The following MYO5B variants were observed in gnomAD, a reference collection of about 807,000 sequenced individuals.
The protein encoded by MYO5B is myosin VB, also known as unconventional myosin-Vb.
Under a neutral mutation model 229.3 loss-of-function variants are expected in MYO5B, and 143 were observed. The ratio of observed to expected loss-of-function variants is 0.62; its 90% CI spans 0.54 to 0.72. The LOEUF (loss-of-function observed/expected upper bound fraction) is 0.72. Ranked by LOEUF, MYO5B falls within the 30% of genes least tolerant of loss-of-function variation. The pLI is 0.00. For synonymous variants in MYO5B, 918 were observed against 885.2 expected (o/e 1.04, Z -0.66); for missense variants, 2,321 against 2,331.0 (o/e 1.00, Z 0.09).
rs559209810 is a variant in MYO5B, at chr18:49,944,858, G to A, written c.1753-7461C>T. Among the ~76,000 whole-genome samples, 9 of 152,134 alleles carry A rather than the reference G, an allele frequency of 5.9e-5. No homozygotes were observed. The South Asian group carries it at 1.5e-3, about 25-fold the overall frequency. On this transcript the variant is annotated intron_variant, in intron 14 of 39. Coordinates refer to ENST00000285039, the MANE Select transcript of MYO5B (RefSeq NM_001080467.3). ...TCCACAGACAGACACCGCCTTCCAC[G>A]CCGCTCCTCCTCAGACCTCCCTCCA...
chr18:50,164,309 C>T (rs143050561), intron 1 of MYO5B, among the ~76,000 whole-genome samples: 24 of 152,328 alleles, frequency 1.6e-4, no homozygotes, highest in Non-Finnish European at 3.5e-4. Flanking sequence ...TTATGGGTGG[C>T]CTTCTCTTCA....
intron 29 of MYO5B, among the ~76,000 whole-genome samples, chr18:49,857,325 G>C (rs1344621284): frequency 6.6e-6 from 1 of 152,194 alleles, no homozygotes; most frequent in East Asian, 1.9e-4. Context: ...GCTGGGAGGA[G>C]AGAACCCTAA....
intron 22 of MYO5B, among the ~76,000 whole-genome samples, chr18:49,893,484 CAGG>C (rs896762865): frequency 6.6e-6 from 1 of 152,190 alleles, no homozygotes; most frequent in Non-Finnish European, 1.5e-5. Context: ...ACACATTTAA[CAGG>C]AGTTTCCAAG....
intron 1 of MYO5B, among the ~76,000 whole-genome samples, chr18:50,138,535 C>T (rs186169775): frequency 9.2e-5 from 14 of 151,978 alleles, no homozygotes; most frequent in African/African-American, 3.1e-4. Flanking sequence ...TGTTAAATTG[C>T]TCTGATTCCA....
At chr18:50,022,893 G>A (rs1246416631) in intron 4 of MYO5B, among the ~76,000 whole-genome samples, 1 of 152,118 alleles carries the variant, frequency 6.6e-6, no homozygotes, top group Non-Finnish European at 1.5e-5. Context: ...CCAGACTAAG[G>A]AAGAAGCCCA....
At chr18:50,028,753 C>T (rs1345128930) in intron 4 of MYO5B, among the ~76,000 whole-genome samples, 1 of 152,222 alleles carries the variant, frequency 6.6e-6, no homozygotes, top group Non-Finnish European at 1.5e-5. Context: ...GTATCCTGCA[C>T]AACTAATTTC....
At chr18:49,830,975 G>GA (rs199880638) in intron 39 of MYO5B, among the ~76,000 whole-genome samples, 1,567 of 133,444 alleles carry the variant, frequency 0.012, 13 homozygotes, top group African/African-American at 0.028. Flanking sequence ...TAAGGGCCCA[G>GA]AAAAAAAAAA....
chr18:49,957,164 A>AAAAAAAAAC (rs1568046994), intron 12 of MYO5B, among the ~76,000 whole-genome samples: 1 of 150,796 alleles, frequency 6.6e-6, no homozygotes, highest in African/African-American at 2.4e-5. Flanking sequence ...AAAAAAAAAA[A>AAAAAAAAAC]AGCAGGCATG....
At position 50,040,135 on chromosome 18, in the gene MYO5B, C is replaced by A; in HGVS notation, c.310+8G>T. The A allele has an allele frequency of 6.2e-7, 1 of 1,613,788 alleles. No homozygotes were observed. Among genetic ancestry groups the A allele is most frequent in the Non-Finnish European group, 8.5e-7 (1 of 1,179,714 alleles). ...AACGCATGCAGCCAACAGATGCCCC[C>A]CACTTACCACAGTAAGTGTAGATAT... On this transcript the variant is annotated splice_region_variant and intron_variant, in intron 3 of 39. Transcript: ENST00000285039.
intron 1 of MYO5B, among the ~76,000 whole-genome samples, chr18:50,155,132 A>G (rs1314964326): frequency 6.6e-6 from 1 of 152,238 alleles, no homozygotes; most frequent in African/African-American, 2.4e-5. Context: ...TAAGGTTTCC[A>G]GTACAGGGAG....
chr18:49,841,721 C>T (rs1427866304), intron 34 of MYO5B, among the ~76,000 whole-genome samples: 1 of 152,202 alleles, frequency 6.6e-6, no homozygotes, highest in African/African-American at 2.4e-5. Flanking sequence ...AAAGGACAGG[C>T]TGCCTTCCAT....
At chr18:49,960,426 A>C (rs2025546221) in intron 12 of MYO5B, among the ~76,000 whole-genome samples, 1 of 152,214 alleles carries the variant, frequency 6.6e-6, no homozygotes. Flanking sequence ...TAACCTCCTC[A>C]GGCTCAGAGA....
chr18:49,948,632 A>G (rs1266878055), intron 14 of MYO5B, among the ~76,000 whole-genome samples: 1 of 152,248 alleles, frequency 6.6e-6, no homozygotes, highest in East Asian at 1.9e-4. Context: ...ATTAAAAGTA[A>G]ACATAAGATT....
At chr18:50,194,076 C>A (rs2033264818) in intron 1 of MYO5B, among the ~76,000 whole-genome samples, 1 of 152,200 alleles carries the variant, frequency 6.6e-6, no homozygotes, top group Non-Finnish European at 1.5e-5. Context: ...CTCTTTGTAC[C>A]AAAGAGGCCG....
rs113627838 is a variant in MYO5B, at chr18:50,106,349, T to C, written c.28-50971A>G. 4.4e-3 allele frequency among the ~76,000 whole-genome samples: 677 copies of C among 152,256 alleles called. 3 individuals are homozygous for C. The highest frequency in any genetic ancestry group is 7.6e-3 in the Non-Finnish European group (514 of 68,014). On this transcript the variant is annotated intron_variant, in intron 1 of 39. Coordinates refer to ENST00000285039, the MANE Select transcript of MYO5B (RefSeq NM_001080467.3). ...TATTTCAAAAATGTAAATCAAATAA[T>C]TTCCCTCCCTTGCTCAGAGCTCTTA...
chr18:50,112,868 T>TA (rs1173815953), intron 1 of MYO5B, among the ~76,000 whole-genome samples: 1 of 152,100 alleles, frequency 6.6e-6, no homozygotes, highest in African/African-American at 2.4e-5. Flanking sequence ...CAACGTATTT[T>TA]AAAAAAAATT....
chr18:49,920,726 A>T (rs1406908872), intron 17 of MYO5B, among the ~76,000 whole-genome samples: 1 of 152,144 alleles, frequency 6.6e-6, no homozygotes, highest in Non-Finnish European at 1.5e-5. Flanking sequence ...CAGGGTAATG[A>T]TTTTAAGGCA....
At chr18:50,041,281 T>A (rs910939747) in intron 2 of MYO5B, among the ~76,000 whole-genome samples, 3 of 152,228 alleles carry the variant, frequency 2.0e-5, no homozygotes, top group Non-Finnish European at 4.4e-5. Context: ...TTTAAGAATT[T>A]CTGTTTTACA....
intron 1 of MYO5B, among the ~76,000 whole-genome samples, chr18:50,120,236 T>C (rs1052899733): frequency 1.3e-5 from 2 of 152,216 alleles, no homozygotes; most frequent in Admixed American, 6.5e-5. Context: ...ACAGTGTTCT[T>C]CTCCTCCAGG....
Sources: gnomAD v4.1 joint callset for allele counts (sites outside exome capture counted in the v4.1 genomes callset) on GRCh38, gnomAD v4.1.1 for gene constraint, MANE v1.5 for transcripts, NCBI Gene and HGNC (gene_info 2026-07-23, HGNC 2026-07-21) for gene names.